The following CLEC12A variants were observed in gnomAD, a reference collection of about 807,000 sequenced individuals.
CLEC12A encodes the protein C-type lectin domain family 12 member A.
A neutral mutation model predicts 26.5 loss-of-function variants in CLEC12A; 22 were observed. The ratio of observed to expected loss-of-function variants is 0.83; its 90% confidence interval spans 0.59 to 1.19. The LOEUF is 1.19. Among genes scored for constraint, CLEC12A ranks in the 50% most tolerant of loss-of-function variants. The pLI is 0.00. For missense variants in CLEC12A, 353 were observed against 315.6 expected (o/e 1.12, Z -0.90); for synonymous variants, 119 against 101.9 (o/e 1.17, Z -1.01).
At chr12:9,995,020 G>A (rs1422370375) in exon 5 of CLEC12A, 1 of 1,575,376 alleles carries the variant, frequency 6.3e-7, no homozygotes, top group Non-Finnish European at 8.6e-7. Context: ...TGAATTAGCA[G>A]GTAAGTGACC....
intron 1 of CLEC12A, among the ~76,000 whole-genome samples, chr12:9,960,424 G>T (rs1429339538): frequency 6.6e-6 from 1 of 152,116 alleles, no homozygotes; most frequent in African/African-American, 2.4e-5. Flanking sequence ...TTTTAAAATT[G>T]GTTTATCTAT....
chr12:9,979,102 T>A, intron 2 of CLEC12A, 38 bp downstream of exon 2: 1 of 1,499,482 alleles, frequency 6.7e-7, no homozygotes, highest in Non-Finnish European at 9.3e-7. Context: ...AGGAAGTATC[T>A]AGAATTTCAA....
At chr12:9,959,188 C>T (rs752594234) in intron 1 of CLEC12A, among the ~76,000 whole-genome samples, 7 of 152,198 alleles carry the variant, frequency 4.6e-5, no homozygotes, top group Non-Finnish European at 5.9e-5. Context: ...TGGTGGCTCA[C>T]TCCTGTGATC....
chr12:9,961,175 C>A (rs1036853394), intron 1 of CLEC12A, among the ~76,000 whole-genome samples: 4 of 152,134 alleles, frequency 2.6e-5, no homozygotes, highest in Non-Finnish European at 5.9e-5. Context: ...GTTGTAGAGA[C>A]CAAGGTTTTA....
At chr12:9,965,506 A>G (rs984207171) in intron 1 of CLEC12A, among the ~76,000 whole-genome samples, 2 of 151,012 alleles carry the variant, frequency 1.3e-5, no homozygotes, top group African/African-American at 4.9e-5. Context: ...AGTGAAAGTG[A>G]AGAGAGGCTG....
chr12:9,981,838 A>C (rs1409356649), intron 4 of CLEC12A, among the ~76,000 whole-genome samples, 182 bp from the exon 5 acceptor site: 1 of 152,178 alleles, frequency 6.6e-6, no homozygotes, highest in East Asian at 1.9e-4. Context: ...TGATATTGTT[A>C]AAAATATTGA....
downstream of CLEC12A, chr12:9,997,207 C>T (rs200797571): frequency 1.8e-4 from 285 of 1,613,912 alleles, no homozygotes; most frequent in African/African-American, 1.2e-3. Context: ...TTGACAGAAG[C>T]GCTTTGCTAA....
intron 5 of CLEC12A, among the ~76,000 whole-genome samples, 168 bp from the exon 6 acceptor site, chr12:9,984,702 T>A (rs553342552): frequency 1.3e-5 from 2 of 152,238 alleles, no homozygotes; most frequent in Non-Finnish European, 2.9e-5. Flanking sequence ...TGTGTTAACA[T>A]AAACAATTAA....
At chr12:9,969,055 C>T (rs1055294970), upstream of CLEC12A, among the ~76,000 whole-genome samples, 2 of 152,080 alleles carry the variant, frequency 1.3e-5, no homozygotes, top group African/African-American at 4.8e-5. Flanking sequence ...GAATGAATCT[C>T]ATGGAAGCAG....
At position 9,963,395 on chromosome 12, in the gene CLEC12A, A is replaced by G. The variant is rs1462745797; in HGVS notation, c.11-8182A>G. Among the ~76,000 whole-genome samples the G allele has an allele frequency of 2.0e-5, 3 of 146,824 alleles. No homozygotes were observed. In the Admixed American group the frequency reaches 2.1e-4, roughly 10 times the overall value. The stretch of plus-strand genomic sequence containing the variant: ...CTCAGCGGTTTTGGAGGACAACTGC[A>G]GCTAAAGAGTCAACTTGGGCCTGGA... On this transcript the variant is annotated intron_variant, in intron 1 of 6. Transcript: ENST00000355690.
chr12:9,967,013 C>T (rs1268014422), upstream of CLEC12A, among the ~76,000 whole-genome samples: 3 of 151,482 alleles, frequency 2.0e-5, 1 homozygote, highest in South Asian at 6.3e-4. Flanking sequence ...AATTGCTGAA[C>T]AGGTTGGGGA....
the CLEC12A span, among the ~76,000 whole-genome samples, chr12:10,002,891 A>G: frequency 1.3e-5 from 2 of 152,224 alleles, no homozygotes; most frequent in Non-Finnish European, 2.9e-5. Flanking sequence ...ACTAATAACA[A>G]TGACAAGGAG....
At chr12:9,999,637 G>A (rs1243920677), downstream of CLEC12A, among the ~76,000 whole-genome samples, 1 of 152,152 alleles carries the variant, frequency 6.6e-6, no homozygotes, top group Non-Finnish European at 1.5e-5. Flanking sequence ...TCCTGATTAT[G>A]ACCTAGAATT....
chr12:10,002,127 C>A, the CLEC12A span, among the ~76,000 whole-genome samples: 1 of 152,014 alleles, frequency 6.6e-6, no homozygotes, highest in Non-Finnish European at 1.5e-5. Flanking sequence ...GTGATCCACC[C>A]GCCTCGGCCT....
At chr12:9,964,013 CA>C (rs1863883915) in intron 1 of CLEC12A, among the ~76,000 whole-genome samples, 1 of 152,142 alleles carries the variant, frequency 6.6e-6, no homozygotes, top group Non-Finnish European at 1.5e-5. Flanking sequence ...AAAGGAACAT[CA>C]AAGTGAAAGG....
the CLEC12A span, among the ~76,000 whole-genome samples, chr12:10,002,509 C>T: frequency 2.3e-5 from 1 of 43,088 alleles, no homozygotes; most frequent in African/African-American, 8.5e-5. Flanking sequence ...GTGGCGCGAT[C>T]TCGGCTCACT....
Position 9,964,713 on chromosome 12 carries a change from C to T in CLEC12A, c.11-6864C>T, listed in dbSNP as rs142836650. ...TTATTTCCTTGAGGATAGATTTCCA[C>T]GATGGAAAGGAAATGAGAGGTTCTA... On this transcript the variant is annotated intron_variant, in intron 1 of 6. Transcript: ENST00000355690. Among the ~76,000 whole-genome samples the T allele has an allele frequency of 3.6e-3, 551 of 152,136 alleles. 1 individual carries two copies. The highest frequency in any genetic ancestry group is 0.011 in the South Asian group (54 of 4,814).
downstream of CLEC12A, chr12:9,999,347 T>G (rs924745755): frequency 2.9e-6 from 1 of 349,756 alleles, no homozygotes; most frequent in Admixed American, 4.7e-5. Context: ...GGTAAAGGAG[T>G]AGATAAGGTA....
intron 5 of CLEC12A, chr12:9,983,612 A>G (rs954820466): frequency 3.7e-5 from 24 of 644,228 alleles, no homozygotes; most frequent in Non-Finnish European, 6.7e-5. Flanking sequence ...TTTTTAGTAT[A>G]TACTTTTAGC....
Sources: gnomAD v4.1 joint callset for allele counts (sites outside exome capture counted in the v4.1 genomes callset) on GRCh38, gnomAD v4.1.1 for gene constraint, MANE v1.5 for transcripts, NCBI Gene and HGNC (gene_info 2026-07-23, HGNC 2026-07-21) for gene names.